NOL4: variants seen among roughly 807,000 people sequenced by gnomAD.
NOL4 encodes nucleolar protein 4.
In NOL4, 17 loss-of-function variants were observed where a neutral mutation model predicts 75.9. That is an observed-to-expected ratio of 0.22 (90% CI 0.15 to 0.34). NOL4 has a LOEUF of 0.34. NOL4 is among the 10% of genes least tolerant of loss of function. The pLI, the probability that NOL4 is intolerant of heterozygous loss-of-function variation, is 1.00. For missense variants in NOL4, 614 were observed against 793.5 expected, an observed-to-expected ratio of 0.77 and a Z score of 2.72; for synonymous variants, 292 against 289.9, an observed-to-expected ratio of 1.01 and a Z score of -0.07.
intron 6 of NOL4, among the ~76,000 whole-genome samples, chr18:33,963,719 C>T (rs950381735): frequency 2.0e-5 from 3 of 152,110 alleles, no homozygotes; most frequent in Non-Finnish European, 2.9e-5. Flanking sequence ...CATGATAAAA[C>T]GTGGCTTTCC....
At chr18:34,085,868 T>A (rs1039749525) in intron 5 of NOL4, among the ~76,000 whole-genome samples, 1 of 152,150 alleles carries the variant, frequency 6.6e-6, no homozygotes, top group African/African-American at 2.4e-5. Flanking sequence ...AATGATTAAA[T>A]ACTTACACAT....
intron 5 of NOL4, among the ~76,000 whole-genome samples, chr18:34,027,789 A>G (rs2075421603): frequency 6.6e-6 from 1 of 152,356 alleles, no homozygotes. Context: ...TCAACAGAAG[A>G]AGAGAAAACA....
chr18:33,919,210 G>A (rs543000280), intron 9 of NOL4, among the ~76,000 whole-genome samples: 10 of 152,074 alleles, frequency 6.6e-5, no homozygotes, highest in South Asian at 2.1e-4. Context: ...CACAGCTCCC[G>A]GCACTCTTAA....
chr18:34,141,866 C>T (rs561300485), intron 1 of NOL4, among the ~76,000 whole-genome samples: 1 of 151,968 alleles, frequency 6.6e-6, no homozygotes, highest in African/African-American at 2.4e-5. Flanking sequence ...TTCTGCACAG[C>T]AAAAGAAACT....
chr18:34,138,248 A>T (rs554726731), intron 1 of NOL4, among the ~76,000 whole-genome samples: 2 of 152,106 alleles, frequency 1.3e-5, no homozygotes, highest in East Asian at 3.9e-4. Context: ...AAAAATATAA[A>T]TAAATTGGCT....
chr18:33,891,052 A>G (rs2144817902), intron 9 of NOL4, among the ~76,000 whole-genome samples: 1 of 151,396 alleles, frequency 6.6e-6, no homozygotes, highest in South Asian at 2.1e-4. Context: ...AGAAATTTAT[A>G]TAATATAATA....
chr18:33,879,436 C>T (rs2144620598), intron 10 of NOL4, among the ~76,000 whole-genome samples: 1 of 152,040 alleles, frequency 6.6e-6, no homozygotes, highest in Non-Finnish European at 1.5e-5. Flanking sequence ...GTTTGGGAGA[C>T]GAAGGTGGGC....
rs191170160 is a variant in NOL4, at chr18:33,898,459, G to C, written c.1543-15035C>G. ...ATTTATTTCCTCTTCCTTCCACATA[G>C]CCCTTGAAAAATTTTTAATTATGAA... On this transcript the variant is annotated intron_variant, in intron 9 of 10. Coordinates refer to ENST00000261592, the MANE Select transcript of NOL4 (RefSeq NM_003787.5). Among the ~76,000 whole-genome samples, 300 of 151,916 alleles carry C rather than the reference G, an allele frequency of 2.0e-3. 1 individual carries two copies. Among genetic ancestry groups the C allele is most frequent in the African/African-American group, 5.8e-3 (242 of 41,460 alleles).
intron 1 of NOL4, among the ~76,000 whole-genome samples, chr18:34,157,396 A>AAGAAAAT (rs2030618681): frequency 1.3e-5 from 2 of 152,284 alleles, no homozygotes; most frequent in Admixed American, 1.3e-4. Context: ...AAAATACAAT[A>AAGAAAAT]AGAAAATCAA....
chr18:33,899,577 C>T (rs1207991307), intron 9 of NOL4, among the ~76,000 whole-genome samples: 1 of 152,186 alleles, frequency 6.6e-6, no homozygotes, highest in Non-Finnish European at 1.5e-5. Flanking sequence ...CCAGGGACCC[C>T]TGCTAGTTCC....
chr18:34,039,790 T>C (rs2076062429), intron 5 of NOL4, among the ~76,000 whole-genome samples: 1 of 152,030 alleles, frequency 6.6e-6, no homozygotes, highest in South Asian at 2.1e-4. Context: ...TGGTTCAACT[T>C]AGCAATTTTT....
chr18:33,923,626 T>C (rs2067162428), intron 9 of NOL4, among the ~76,000 whole-genome samples: 1 of 152,168 alleles, frequency 6.6e-6, no homozygotes, highest in Admixed American at 6.5e-5. Flanking sequence ...AAGTATTATT[T>C]ACCATATTGA....
intron 5 of NOL4, chr18:34,048,414 C>A (rs2076477405): frequency 3.1e-6 from 3 of 982,636 alleles, no homozygotes; most frequent in Non-Finnish European, 3.6e-6. Context: ...CATCAATATT[C>A]TACTCTGGAG....
intron 1 of NOL4, among the ~76,000 whole-genome samples, chr18:34,154,421 AGCTACTACCTT>A (rs2029952782): frequency 6.6e-6 from 1 of 152,004 alleles, no homozygotes; most frequent in Non-Finnish European, 1.5e-5. Context: ...CCCCAGAGAT[AGCTACTACCTT>A]AGCTTCTCAA....
intron 10 of NOL4, among the ~76,000 whole-genome samples, chr18:33,864,265 G>A (rs971687373): frequency 1.3e-5 from 2 of 152,228 alleles, no homozygotes; most frequent in South Asian, 4.1e-4. Context: ...TCTGTAGCTG[G>A]CTTGAATTTC....
chr18:34,069,957 G>T (rs1003363758), intron 5 of NOL4, among the ~76,000 whole-genome samples: 1 of 152,236 alleles, frequency 6.6e-6, no homozygotes, highest in African/African-American at 2.4e-5. Context: ...AGATACCCCA[G>T]TTCTAGGTAG....
chr18:33,961,056 CATA>C (rs1245435483), intron 6 of NOL4, among the ~76,000 whole-genome samples: 1 of 151,862 alleles, frequency 6.6e-6, no homozygotes, highest in East Asian at 1.9e-4. Flanking sequence ...TTAACCTTGA[CATA>C]ATAACTTCAC....
intron 1 of NOL4, among the ~76,000 whole-genome samples, chr18:34,204,676 T>C (rs2035994999): frequency 6.6e-6 from 1 of 152,132 alleles, no homozygotes; most frequent in Non-Finnish European, 1.5e-5. Context: ...GTTTCATAGA[T>C]AAATGAATAA....
At chr18:34,028,067 T>C (rs1278482700) in intron 5 of NOL4, among the ~76,000 whole-genome samples, 2 of 152,208 alleles carry the variant, frequency 1.3e-5, no homozygotes, top group Admixed American at 6.5e-5. Context: ...ACTAACTGTA[T>C]CAATTTAAAC....
Sources: gnomAD v4.1 joint callset for allele counts (sites outside exome capture counted in the v4.1 genomes callset) on GRCh38, gnomAD v4.1.1 for gene constraint, MANE v1.5 for transcripts, NCBI Gene and HGNC (gene_info 2026-07-23, HGNC 2026-07-21) for gene names.